Variants in PTPRB observed in about 807,000 individuals in gnomAD.
PTPRB encodes receptor-type tyrosine-protein phosphatase beta.
Under a neutral mutation model 238.1 loss-of-function variants are expected in PTPRB, and 97 were observed. The observed-to-expected ratio is 0.41, with a 90% confidence interval of 0.35 to 0.48. PTPRB has a LOEUF of 0.48. Among genes scored for constraint, PTPRB ranks in the 20% least tolerant of loss-of-function variants. The pLI is 0.30. For synonymous variants in PTPRB, 970 were observed against 995.4 expected (o/e 0.97, Z 0.48); for missense variants, 2,292 against 2,681.9 (o/e 0.85, Z 3.21).
In PTPRB at chr12:70,518,553, C is replaced by G. The variant is rs754386869; in HGVS notation, c.*2936G>C. 2.0e-5 allele frequency: 3 copies of G among 151,942 alleles called. No homozygotes were observed. The highest frequency in any genetic ancestry group is 1.9e-4 in the East Asian group (1 of 5,168). The allele number at this position is 151,942 out of a possible 1,614,324, so 9.4% of individuals were successfully genotyped here. ...TAAAAATCACATTCAACTGGGAAAA[C>G]AAACATATTCAAGTAGGAGGAGTGG... On this transcript the variant is annotated 3_prime_UTR_variant, in exon 34 of 34. Coordinates refer to ENST00000334414, the MANE Select transcript of PTPRB (RefSeq NM_001109754.4).
At chr12:70,579,062 T>C (rs1444858948) in intron 10 of PTPRB, among the ~76,000 whole-genome samples, 1 of 152,168 alleles carries the variant, frequency 6.6e-6, no homozygotes, top group Admixed American at 6.5e-5. Context: ...CATCCAATCA[T>C]GAACACCCAC....
intron 28 of PTPRB, 136 bp downstream of exon 28, chr12:70,538,017 TGG>T: frequency 1.6e-6 from 1 of 620,926 alleles, no homozygotes; most frequent in Non-Finnish European, 2.7e-6. Context: ...ATTTTTTTTA[TGG>T]CATTCAGATG....
chr12:70,556,049 A>T lies in PTPRB; in HGVS notation c.4814T>A (p.Ile1605Asn), dbSNP rs1334994533. The T allele has an allele frequency of 1.2e-6, 2 of 1,613,944 alleles. No homozygotes were observed. The highest frequency in any genetic ancestry group is 1.7e-6 in the Non-Finnish European group (2 of 1,179,852). ...TTGGGTGTCCATTTTCCGGCATTCA[A>T]TACTATAACCATCAAAGTCAGAATC... ...PPDSDFDGYS[I>N]ECRKMDTQEV... Residue 1605 changes from isoleucine to asparagine, a missense_variant, in exon 19 of 34, where the codon ATT (isoleucine) becomes AAT (asparagine). By Grantham distance (149) the Ile-to-Asn change is moderately radical. Coordinates refer to ENST00000334414, the MANE Select transcript of PTPRB (RefSeq NM_001109754.4).
At chr12:70,523,167 GT>G (rs1871867279) in intron 33 of PTPRB, among the ~76,000 whole-genome samples, 1 of 151,434 alleles carries the variant, frequency 6.6e-6, no homozygotes, top group African/African-American at 2.4e-5. Context: ...CAACCTGTTT[GT>G]TTTTTGAGAT....
intron 3 of PTPRB, chr12:70,609,948 C>A: frequency 2.8e-6 from 2 of 712,766 alleles, no homozygotes; most frequent in Non-Finnish European, 4.0e-6. Context: ...TCGGGGCTGG[C>A]GACGCGCAGG....
chr12:70,608,118 G>A (rs1884117683), intron 4 of PTPRB, among the ~76,000 whole-genome samples: 1 of 152,128 alleles, frequency 6.6e-6, no homozygotes, highest in South Asian at 2.1e-4. Context: ...TCCTGTTTCA[G>A]GTTGAAATGT....
Position 70,539,678 on chromosome 12 carries a change from G to C in PTPRB, c.5725C>G (p.His1909Asp). ...CPIKINQFEGHFMKLQADSNY... is the reference protein window; with the variant it reads ...CPIKINQFEGDFMKLQADSNY... ...GAGTCAGCCTGTAGCTTCATGAAAT[G>C]CCCTTCAAACTGATTTATTTTTATT... The change falls in exon 26 of 34, where the codon CAT becomes GAT. Residue 1909 changes from histidine to aspartate, a missense_variant. His to Asp is a moderately conservative substitution (Grantham distance 81). Coordinates refer to ENST00000334414, the MANE Select transcript of PTPRB (RefSeq NM_001109754.4). The C allele has an allele frequency of 1.3e-6, 2 of 1,592,612 alleles. No individual in the cohort carries two copies. Among genetic ancestry groups the C allele is most frequent in the Non-Finnish European group, 1.7e-6 (2 of 1,167,182 alleles).
chr12:70,540,331 C>G (rs1375558637), intron 23 of PTPRB: 1 of 270,060 alleles, frequency 3.7e-6, no homozygotes, highest in African/African-American at 2.2e-5. Flanking sequence ...AGATGCCAGA[C>G]ACGACTTCAA....
rs776677323 is a variant in PTPRB, at chr12:70,635,891, G to T, written c.231C>A (p.Gly77=). 2 of 1,613,834 alleles carry T rather than the reference G, an allele frequency of 1.2e-6. No homozygotes were observed. The highest frequency in any genetic ancestry group is 1.3e-5 in the African/African-American group (1 of 75,056). The change falls in exon 2 of 34, where the codon GGC becomes GGA. Residue 77 remains glycine, a synonymous_variant. Coordinates refer to ENST00000334414, the MANE Select transcript of PTPRB (RefSeq NM_001109754.4). ...GGTCCAAGATGGCTGAGCGGGAGGG[G>T]CCGCGGGAAGAGTTGGAGATGGCCA... ...LCLAISNSSR[G]PSRSAILDRC... is the part of the protein sequence containing the mutation.
intron 2 of PTPRB, 57 bp downstream of exon 2, chr12:70,635,614 C>T: frequency 3.3e-6 from 5 of 1,530,694 alleles, no homozygotes; most frequent in Non-Finnish European, 4.4e-6. Context: ...ACAAACAAAA[C>T]CCCCAAGATA....
intron 3 of PTPRB, chr12:70,609,756 C>A: frequency 6.3e-7 from 1 of 1,577,644 alleles, no homozygotes; most frequent in South Asian, 1.2e-5. Flanking sequence ...TCTCGGGCCA[C>A]TCACCTGCAG....
intron 17 of PTPRB, among the ~76,000 whole-genome samples, chr12:70,559,840 CTT>C (rs10708359): frequency 8.5e-5 from 10 of 118,200 alleles, no homozygotes; most frequent in African/African-American, 2.7e-4. Flanking sequence ...TTTTTTTTCA[CTT>C]TTTTTTTTTT....
chr12:70,609,589 T>G (rs1884260808), intron 3 of PTPRB, among the ~76,000 whole-genome samples: 1 of 152,194 alleles, frequency 6.6e-6, no homozygotes, highest in Admixed American at 6.5e-5. Flanking sequence ...CTGGATAAGC[T>G]GTCATTCTGG....
chr12:70,542,900 A>G (rs1245964379), intron 22 of PTPRB: 1 of 150,976 alleles, frequency 6.6e-6, no homozygotes, highest in African/African-American at 2.4e-5. Context: ...AAAGGAAAAA[A>G]AAAAAGGAAA....
At chr12:70,535,224 GTTTTTT>G (rs71457059) in intron 29 of PTPRB, among the ~76,000 whole-genome samples, 143 of 81,994 alleles carry the variant, frequency 1.7e-3, no homozygotes, top group African/African-American at 5.8e-3. Context: ...TATGGCTTGA[GTTTTTT>G]TTTTTTTTTT....
chr12:70,601,700 T>C (rs1233324147), intron 4 of PTPRB, among the ~76,000 whole-genome samples: 1 of 151,700 alleles, frequency 6.6e-6, no homozygotes, highest in African/African-American at 2.4e-5. Context: ...TTTTTGAAAA[T>C]GAGAAGAAAA....
intron 32 of PTPRB, among the ~76,000 whole-genome samples, chr12:70,530,737 A>ATTTTC (rs1288553935): frequency 6.6e-6 from 1 of 151,956 alleles, no homozygotes; most frequent in African/African-American, 2.4e-5. Flanking sequence ...AGTTTTGTGT[A>ATTTTC]TTTTCTTTTT....
intron 24 of PTPRB, 47 bp downstream of exon 24, chr12:70,539,892 T>A (rs1218427713): frequency 1.3e-6 from 2 of 1,579,838 alleles, no homozygotes; most frequent in African/African-American, 2.7e-5. Flanking sequence ...AAATTTCACA[T>A]AATACCATCT....
intron 9 of PTPRB, 28 bp downstream of exon 9, chr12:70,586,978 TA>T (rs1881978564): frequency 5.0e-6 from 8 of 1,588,970 alleles, no homozygotes; most frequent in Non-Finnish European, 6.9e-6. Context: ...CAGAACACTT[TA>T]AAATGTAAAA....
Sources: gnomAD v4.1 joint callset for allele counts (sites outside exome capture counted in the v4.1 genomes callset) on GRCh38, gnomAD v4.1.1 for gene constraint, MANE v1.5 for transcripts, NCBI Gene and HGNC (gene_info 2026-07-23, HGNC 2026-07-21) for gene names.